The following GREB1 variants were observed in gnomAD, a reference collection of about 807,000 sequenced individuals.
The protein encoded by GREB1 is protein GREB1.
GREB1 carries 106 observed loss-of-function variants against 200.7 expected under a neutral mutation model. The observed-to-expected ratio is 0.53, with a 90% CI of 0.45 to 0.62. The LOEUF is 0.62. GREB1 is among the 20% of genes least tolerant of loss of function. The pLI is 0.00. For synonymous variants in GREB1, 1,132 were observed against 1,092.4 expected (o/e 1.04, Z -0.72); for missense variants, 2,243 against 2,556.8 (o/e 0.88, Z 2.65).
rs753297991 is a variant in GREB1, at chr2:11,600,750, A to T, written c.2334-50A>T. Reference sequence around the variant, plus strand: ...TTATTCAACTGCTTCACCTTGCAAAATTAGAAAACAATATAGTAATTCCAC... The same window carrying T: ...TTATTCAACTGCTTCACCTTGCAAATTTAGAAAACAATATAGTAATTCCAC... On this transcript the variant is annotated intron_variant, in intron 15 of 32. Coordinates refer to ENST00000381486, the MANE Select transcript of GREB1 (RefSeq NM_014668.4). The T allele has an allele frequency of 8.0e-6, 12 of 1,502,874 alleles. No individual in the cohort carries two copies. The African/African-American group carries it at 1.7e-4, about 21-fold the overall frequency. 93.1% of individuals were successfully genotyped at this position (1,502,874 alleles called of 1,614,324 possible).
In GREB1 at chr2:11,578,343, C is replaced by T. The variant is rs1679097071; in HGVS notation, c.684C>T (p.Leu228=). Residue 228 remains leucine (L), a synonymous_variant, in exon 6 of 33, where the codon CTC becomes CTT. Coordinates refer to ENST00000381486, the MANE Select transcript of GREB1 (RefSeq NM_014668.4). ...QIPASTCSSS[L]FPALESTAAF... is the part of the protein sequence containing the mutation. ...CCGCCAGTACTTGTTCCAGTTCCCT[C>T]TTCCCAGCCCTGGAGAGCACGGCTG... is the stretch of plus-strand genomic sequence containing the variant. The T allele has an allele frequency of 6.2e-7, 1 of 1,614,048 alleles. No individual in the cohort carries two copies. The highest frequency in any genetic ancestry group is 1.7e-5 in the Admixed American group (1 of 59,996).
chr2:11,559,474 G>A (rs1319729754), intron 2 of GREB1, among the ~76,000 whole-genome samples: 1 of 152,206 alleles, frequency 6.6e-6, no homozygotes, highest in Non-Finnish European at 1.5e-5. Context: ...CCTTCTGAGA[G>A]TCTGAATTGC....
intron 15 of GREB1, among the ~76,000 whole-genome samples, chr2:11,599,429 T>C (rs1681568859): frequency 6.7e-6 from 1 of 149,822 alleles, no homozygotes; most frequent in Non-Finnish European, 1.5e-5. Flanking sequence ...AGGCTCAGCC[T>C]CCTGGGTTCA....
intron 6 of GREB1, among the ~76,000 whole-genome samples, chr2:11,579,521 C>T (rs891768085): frequency 2.6e-5 from 4 of 152,254 alleles, no homozygotes; most frequent in South Asian, 4.1e-4. Flanking sequence ...CTTCTGCTAA[C>T]TCATGTCATT....
chr2:11,544,279 T>C (rs4668730), intron 1 of GREB1, among the ~76,000 whole-genome samples: 101,574 of 151,814 alleles, frequency 0.67, 34,721 homozygotes, highest in South Asian at 0.83. Context: ...TGCGGTGGTG[T>C]GATCTCGGGT....
At chr2:11,486,484 A>G (rs988879724) in intron 1 of GREB1, among the ~76,000 whole-genome samples, 2 of 152,090 alleles carry the variant, frequency 1.3e-5, no homozygotes, top group Admixed American at 6.5e-5. Flanking sequence ...TGCACTAAAA[A>G]GGCAGGGGAA....
chr2:11,582,819 G>T (rs1490413519), intron 7 of GREB1, among the ~76,000 whole-genome samples: 1 of 152,232 alleles, frequency 6.6e-6, no homozygotes, highest in Non-Finnish European at 1.5e-5. Flanking sequence ...TTAAGAAACT[G>T]CGTCTAATAC....
chr2:11,611,871 C>T (rs1210960337), intron 18 of GREB1, among the ~76,000 whole-genome samples: 1 of 152,140 alleles, frequency 6.6e-6, no homozygotes, highest in African/African-American at 2.4e-5. Context: ...AAAGGGAGGA[C>T]ACTGTCAGGA....
At chr2:11,611,100 G>A in intron 18 of GREB1, 73 bp downstream of exon 18, 1 of 1,305,054 alleles carries the variant, frequency 7.7e-7, no homozygotes, top group Admixed American at 2.5e-5. Context: ...ACCAGAGGCA[G>A]GGAGTGTCAC....
chr2:11,592,329 ATT>A (rs113949768), intron 10 of GREB1, among the ~76,000 whole-genome samples: 9,022 of 136,174 alleles, frequency 0.066, 867 homozygotes, highest in African/African-American at 0.22. Context: ...GCAAAGTAAG[ATT>A]TTTTTTTTTT....
At chr2:11,563,917 C>T (rs1206307976) in intron 3 of GREB1, among the ~76,000 whole-genome samples, 1 of 152,134 alleles carries the variant, frequency 6.6e-6, no homozygotes, top group Non-Finnish European at 1.5e-5. Flanking sequence ...CAGTTGGGAG[C>T]AAGCAGGGGT....
At chr2:11,484,254 G>A (rs950055970) in intron 1 of GREB1, among the ~76,000 whole-genome samples, 1 of 152,192 alleles carries the variant, frequency 6.6e-6, no homozygotes. Flanking sequence ...AGAAAAGTAT[G>A]TTTCTAGGAA....
At chr2:11,549,130 T>C (rs1479271271) in intron 1 of GREB1, among the ~76,000 whole-genome samples, 1 of 152,208 alleles carries the variant, frequency 6.6e-6, no homozygotes, top group Non-Finnish European at 1.5e-5. Context: ...TCTGGAAATC[T>C]ATGTTTTTCA....
rs371780623 is a variant in GREB1 at position 11,502,208 on chromosome 2, C to T, written c.-159+19827C>T. Among the ~76,000 whole-genome samples, 20 of 148,466 alleles carry T rather than the reference C, an allele frequency of 1.3e-4. No individual in the cohort carries two copies. The East Asian group carries it at 1.6e-3, about 12-fold the overall frequency. ...CTGGGATCGCAGGCATGAACCACCA[C>T]GCCTGGCCCTCTTTTTTTTTTTTTT... On this transcript the variant is annotated intron_variant, in intron 1 of 2. Coordinates refer to the GREB1 transcript ENST00000628795.
chr2:11,609,127 T>C (rs1682674923), intron 17 of GREB1, among the ~76,000 whole-genome samples: 1 of 152,200 alleles, frequency 6.6e-6, no homozygotes, highest in South Asian at 2.1e-4. Flanking sequence ...CTGTTTCAGA[T>C]GGGAGGATAA....
rs546051182 is a variant in GREB1 at position 11,635,341 on chromosome 2, G to A, written c.5282G>A (p.Arg1761His). The A allele has an allele frequency of 2.5e-5, 41 of 1,614,108 alleles. No individual in the cohort carries two copies. The highest frequency in any genetic ancestry group is 2.5e-4 in the South Asian group (23 of 91,074). The change falls in exon 30 of 33, where the codon CGC (arginine) becomes CAC (histidine). Residue 1761 changes from arginine (R) to histidine (H), a missense_variant. Physicochemically the swap from Arg to His is conservative, Grantham distance 29. Transcript: ENST00000381486. ...SAGLLLCRFN[R>H]FSVMKKQIVV... ...GGCCTCCTGCTCTGCCGGTTCAACC[G>A]CTTCAGCGTGATGAAGAAGCAGATC...
intron 19 of GREB1, among the ~76,000 whole-genome samples, chr2:11,614,058 G>C (rs374203651): frequency 6.6e-6 from 1 of 151,712 alleles, no homozygotes; most frequent in African/African-American, 2.4e-5. Flanking sequence ...ACCCTGGCCT[G>C]TGTTCACTTG....
intron 20 of GREB1, among the ~76,000 whole-genome samples, chr2:11,615,925 G>C (rs945288935): frequency 6.6e-6 from 1 of 152,232 alleles, no homozygotes. Context: ...GCGGGTCTGT[G>C]GTCTGCCTTG....
In GREB1 at chr2:11,492,916, A is replaced by G. The variant is rs1333357689; in HGVS notation, c.-159+10535A>G. Among the ~76,000 whole-genome samples the G allele has an allele frequency of 1.3e-5, 2 of 152,192 alleles. No individual in the cohort carries two copies. Among genetic ancestry groups the G allele is most frequent in the Admixed American group, 6.5e-5 (1 of 15,292 alleles). ...GTCACAGCTGGAGCAGAGACCAGAC[A>G]GGAGTAATGCAAACCAGCAAGACTA... On this transcript the variant is annotated intron_variant, in intron 1 of 2. Coordinates refer to the GREB1 transcript ENST00000628795. The surrounding 1 kb of genome is among the most constrained non-coding windows in gnomAD (Gnocchi z 4.0).
Sources: gnomAD v4.1 joint callset for allele counts (sites outside exome capture counted in the v4.1 genomes callset) on GRCh38, gnomAD v4.1.1 for gene constraint, Gnocchi (gnomAD v3.1) non-coding constraint, MANE v1.5 for transcripts, NCBI Gene and HGNC (gene_info 2026-07-23, HGNC 2026-07-21) for gene names.